Variants in FRMD4A observed in about 807,000 individuals in gnomAD.
FRMD4A encodes the protein FERM domain containing 4A, also known as FERM domain-containing protein 4A.
FRMD4A carries 29 observed loss-of-function variants against 129.1 expected under a neutral mutation model. The ratio of observed to expected loss-of-function variants is 0.22; its 90% confidence interval spans 0.17 to 0.31. The LOEUF (loss-of-function observed/expected upper bound fraction) is 0.31. FRMD4A is among the 10% of genes least tolerant of loss of function. FRMD4A has a pLI of 1.00. For missense variants in FRMD4A, 1,272 were observed against 1,375.8 expected, an observed-to-expected ratio of 0.92 and a Z score of 1.19; for synonymous variants, 634 against 571.6, an observed-to-expected ratio of 1.11 and a Z score of -1.56.
intron 2 of FRMD4A, among the ~76,000 whole-genome samples, chr10:13,921,638 G>T (rs1207293184): frequency 6.6e-6 from 1 of 152,086 alleles, no homozygotes; most frequent in African/African-American, 2.4e-5. Flanking sequence ...CCTGTCAAAG[G>T]CTCCACCTCC....
chr10:14,227,676 T>A (rs1335165721), intron 2 of FRMD4A, among the ~76,000 whole-genome samples: 2 of 152,188 alleles, frequency 1.3e-5, no homozygotes, highest in Non-Finnish European at 2.9e-5. Context: ...CATAAAATAC[T>A]GAAATACCCA....
At chr10:14,016,899 G>C (rs2095700978) in intron 2 of FRMD4A, among the ~76,000 whole-genome samples, 1 of 152,220 alleles carries the variant, frequency 6.6e-6, no homozygotes, top group African/African-American at 2.4e-5. Flanking sequence ...TTGCCTTATG[G>C]ACATCAAGGA....
chr10:14,271,787 C>T (rs1845171294), intron 2 of FRMD4A, among the ~76,000 whole-genome samples: 1 of 152,184 alleles, frequency 6.6e-6, no homozygotes, highest in Admixed American at 6.5e-5. Context: ...TTCTGCTGAC[C>T]TGAAGCATGA....
intron 15 of FRMD4A, among the ~76,000 whole-genome samples, chr10:13,690,466 T>C (rs538093348): frequency 1.2e-4 from 19 of 152,360 alleles, no homozygotes; most frequent in African/African-American, 4.3e-4. Flanking sequence ...CTTTGTTCCC[T>C]GATGGAATGT....
chr10:13,754,265 T>C (rs2091761346), intron 8 of FRMD4A, among the ~76,000 whole-genome samples: 1 of 149,670 alleles, frequency 6.7e-6, no homozygotes, highest in African/African-American at 2.5e-5. Flanking sequence ...GCAATTCGCA[T>C]AGAATTTGAA....
rs965027878 is a variant in FRMD4A at position 14,180,146 on chromosome 10, G to A, written c.45+149912C>T. On this transcript the variant is annotated intron_variant, in intron 2 of 24. Transcript: ENST00000357447. ...TTCATTTTCATTTTATAAGATTGGAGAGGTGAATAGAAGAGTAATATTTAT... is the reference window on the plus strand; with the variant it reads ...TTCATTTTCATTTTATAAGATTGGAAAGGTGAATAGAAGAGTAATATTTAT... 5.3e-5 allele frequency among the ~76,000 whole-genome samples: 8 copies of A among 152,316 alleles called. No individual in the cohort carries two copies. The South Asian group carries it at 8.3e-4, about 16-fold the overall frequency.
chr10:14,002,173 AC>A (rs1466818602), intron 2 of FRMD4A, among the ~76,000 whole-genome samples: 1 of 152,240 alleles, frequency 6.6e-6, no homozygotes, highest in Non-Finnish European at 1.5e-5. Context: ...TCCCAGACAC[AC>A]AAAAACCCTT....
intron 8 of FRMD4A, among the ~76,000 whole-genome samples, chr10:13,759,649 C>T (rs2091993022): frequency 6.6e-6 from 1 of 152,072 alleles, no homozygotes; most frequent in South Asian, 2.1e-4. Flanking sequence ...ATCAAAACCC[C>T]AAATTCCAAG....
rs559931058 is a variant in FRMD4A, at chr10:13,766,945, C to T, written c.385-4265G>A. On this transcript the variant is annotated intron_variant, in intron 6 of 24. Coordinates refer to ENST00000357447, the MANE Select transcript of FRMD4A (RefSeq NM_018027.5). ...AAAATTAGTTGGGCGTGGTGGTGCA[C>T]GCCTGTAGTCCCAGCTACTCAGGAG... Among the ~76,000 whole-genome samples, 6 of 152,162 alleles carry T rather than the reference C, an allele frequency of 3.9e-5. No homozygotes were observed. The South Asian group carries it at 6.2e-4, about 16-fold the overall frequency.
intron 2 of FRMD4A, among the ~76,000 whole-genome samples, chr10:13,871,785 CTCCAGGCACACA>C (rs1313724075): frequency 5.9e-5 from 9 of 152,232 alleles, no homozygotes; most frequent in Non-Finnish European, 1.3e-4. Context: ...GGGAAGGAGG[CTCCAGGCACACA>C]TCCCACTCCT....
At chr10:13,648,601 G>T (rs1446202398) in intron 24 of FRMD4A, 1 of 152,262 alleles carries the variant, frequency 6.6e-6, no homozygotes, top group Middle Eastern at 3.4e-3. Context: ...AAACCACAAG[G>T]ATGTCATTTC....
At chr10:14,169,504 T>C (rs1419388488) in intron 2 of FRMD4A, among the ~76,000 whole-genome samples, 1 of 152,156 alleles carries the variant, frequency 6.6e-6, no homozygotes, top group Non-Finnish European at 1.5e-5. Context: ...GATCTCCCTG[T>C]CTTTCTGCTG....
At chr10:14,147,225 G>T (rs1840116978) in intron 2 of FRMD4A, among the ~76,000 whole-genome samples, 1 of 152,170 alleles carries the variant, frequency 6.6e-6, no homozygotes, top group South Asian at 2.1e-4. Context: ...AAAGGTCAGG[G>T]AGGGGGTCAG....
At chr10:13,810,424 T>C (rs1313656881) in intron 4 of FRMD4A, among the ~76,000 whole-genome samples, 3 of 152,216 alleles carry the variant, frequency 2.0e-5, no homozygotes, top group Admixed American at 1.3e-4. Context: ...TTTGAATTTA[T>C]CATCAAATTC....
intron 2 of FRMD4A, among the ~76,000 whole-genome samples, chr10:13,989,408 T>A (rs977944100): frequency 1.3e-5 from 2 of 151,974 alleles, no homozygotes; most frequent in African/African-American, 4.8e-5. Context: ...CAGGCTGGAG[T>A]GTAGTGGCGC....
chr10:13,737,619 AATTATAACAGCTT>A (rs1458559841), intron 12 of FRMD4A, among the ~76,000 whole-genome samples: 1 of 152,116 alleles, frequency 6.6e-6, no homozygotes, highest in Non-Finnish European at 1.5e-5. Context: ...CACCTTAAGT[AATTATAACAGCTT>A]AGATTTCCTT....
intron 2 of FRMD4A, among the ~76,000 whole-genome samples, chr10:14,055,312 G>T (rs142164054): frequency 6.6e-6 from 1 of 152,104 alleles, no homozygotes; most frequent in Admixed American, 6.6e-5. Context: ...CTTTCCAGAC[G>T]CAGTCTTCAT....
intron 2 of FRMD4A, among the ~76,000 whole-genome samples, chr10:13,884,854 G>A (rs2094599840): frequency 6.6e-6 from 1 of 152,198 alleles, no homozygotes; most frequent in South Asian, 2.1e-4. Context: ...TGACACTTGT[G>A]AAATATCAGA....
intron 21 of FRMD4A, among the ~76,000 whole-genome samples, chr10:13,658,263 A>C (rs183255562): frequency 2.0e-5 from 3 of 152,212 alleles, no homozygotes; most frequent in Non-Finnish European, 4.4e-5. Flanking sequence ...GATCCATATA[A>C]ATAGACTCCC....
Sources: gnomAD v4.1 joint callset for allele counts (sites outside exome capture counted in the v4.1 genomes callset) on GRCh38, gnomAD v4.1.1 for gene constraint, MANE v1.5 for transcripts, NCBI Gene and HGNC (gene_info 2026-07-23, HGNC 2026-07-21) for gene names.